IPPK: variants seen among roughly 807,000 people sequenced by gnomAD.
IPPK encodes the protein inositol-pentakisphosphate 2-kinase.
IPPK carries 22 observed loss-of-function variants against 64.6 expected under a neutral mutation model. The observed-to-expected ratio is 0.34, with a 90% CI of 0.24 to 0.49. The LOEUF (loss-of-function observed/expected upper bound fraction) is 0.49, where lower values mean the gene tolerates loss of function less well. Ranked by LOEUF, IPPK falls within the 20% of genes least tolerant of loss-of-function variation. The probability of loss-of-function intolerance (pLI) is 0.99; values close to 1 mark genes in which losing one functional copy is unlikely to be tolerated. For synonymous variants in IPPK, 262 were observed against 247.2 expected, an observed-to-expected ratio of 1.06 and a Z score of -0.56; for missense variants, 532 against 630.7, an observed-to-expected ratio of 0.84 and a Z score of 1.68.
chr9:92,618,118 G>A (rs1383678874), intron 12 of IPPK: 1 of 411,642 alleles, frequency 2.4e-6, no homozygotes, highest in South Asian at 1.7e-5. Context: ...TGCGGCCACT[G>A]CGCACACCTT....
At chr9:92,636,517 G>T (rs994331204) in intron 9 of IPPK, among the ~76,000 whole-genome samples, 16 of 151,996 alleles carry the variant, frequency 1.1e-4, no homozygotes, top group Admixed American at 5.2e-4. Flanking sequence ...AGTGCGTGTC[G>T]GTAGTCCCAG....
chr9:92,633,648 T>C (rs1243303312), intron 11 of IPPK, among the ~76,000 whole-genome samples: 1 of 152,242 alleles, frequency 6.6e-6, no homozygotes, highest in Non-Finnish European at 1.5e-5. Context: ...CAAAATATTT[T>C]TAAAAACAAA....
At chr9:92,656,259 G>T (rs1324224643) in intron 3 of IPPK, among the ~76,000 whole-genome samples, 197 bp downstream of exon 3, 1 of 152,168 alleles carries the variant, frequency 6.6e-6, no homozygotes, top group African/African-American at 2.4e-5. Flanking sequence ...TGGGCCCTCT[G>T]AACCCCATGC....
intron 12 of IPPK, 113 bp downstream of exon 12, chr9:92,619,373 C>T (rs1851550013): frequency 1.2e-6 from 1 of 829,044 alleles, no homozygotes; most frequent in African/African-American, 1.7e-5. Context: ...AGTTATGTCA[C>T]TCCGCCATGG....
Position 92,635,323 on chromosome 9 carries a change from AG to A in IPPK, c.917-16del. On this transcript the variant is annotated splice_polypyrimidine_tract_variant and intron_variant, in intron 9 of 12. Transcript: ENST00000287996. The surrounding 1 kb of genome is among the most constrained non-coding windows in gnomAD (Gnocchi z 4.4). ...GGTGTTTTTTCCTACCGAGAACATC[AG>A]GGGAAAACGAGAGCATGTTGATTAT... 2 of 1,604,270 alleles carry A rather than the reference AG, an allele frequency of 1.2e-6. No individual in the cohort carries two copies. Among genetic ancestry groups the A allele is most frequent in the Non-Finnish European group, 1.7e-6 (2 of 1,175,722 alleles).
intron 2 of IPPK, among the ~76,000 whole-genome samples, 184 bp downstream of exon 2, chr9:92,658,450 A>G (rs951307913): frequency 6.6e-6 from 1 of 152,206 alleles, no homozygotes; most frequent in African/African-American, 2.4e-5. Context: ...ACAGTGACAC[A>G]TGGGTTAACG....
chr9:92,636,375 G>A (rs1258265372), intron 9 of IPPK, among the ~76,000 whole-genome samples: 5 of 152,196 alleles, frequency 3.3e-5, no homozygotes, highest in African/African-American at 7.2e-5. Context: ...CGTGGCTTAC[G>A]CCTGCAATCC....
At chr9:92,627,306 C>T (rs956431939) in intron 11 of IPPK, among the ~76,000 whole-genome samples, 1 of 152,152 alleles carries the variant, frequency 6.6e-6, no homozygotes, top group Non-Finnish European at 1.5e-5. Flanking sequence ...AATACCAATC[C>T]ATCTCAACTT....
In IPPK at chr9:92,615,960, G is replaced by A; in HGVS notation, c.1348C>T (p.His450Tyr). 6.2e-7 allele frequency: 1 copy of A among 1,614,070 alleles called. No homozygotes were observed. Among genetic ancestry groups the A allele is most frequent in the Non-Finnish European group, 8.5e-7 (1 of 1,179,976 alleles). The change falls in exon 13 of 13, where the codon CAT becomes TAT. Residue 450 changes from histidine (H) to tyrosine (Y), a missense_variant. Coordinates refer to ENST00000287996, the MANE Select transcript of IPPK (RefSeq NM_022755.6). The stretch of plus-strand genomic sequence containing the variant: ...ATCTTGCCGTCCAGTTTATACTGAT[G>A]GGGAATGCTCTCGTAGGGCTTGAGG... Reference protein sequence around the residue: ...LDLKPYESIPHQYKLDGKIVN... With the variant: ...LDLKPYESIPYQYKLDGKIVN...
At chr9:92,650,205 C>A (rs112810518) in intron 4 of IPPK, among the ~76,000 whole-genome samples, 4 of 146,582 alleles carry the variant, frequency 2.7e-5, no homozygotes, top group Non-Finnish European at 6.0e-5. Flanking sequence ...CACCTGTAAT[C>A]CCAGCTACTC....
In IPPK at chr9:92,638,152, C is replaced by T. The variant is rs747178407; in HGVS notation, c.765G>A (p.Arg255=). 3 of 1,614,246 alleles carry T rather than the reference C, an allele frequency of 1.9e-6. No homozygotes were observed. Among genetic ancestry groups the T allele is most frequent in the South Asian group, 1.1e-5 (1 of 91,090 alleles). Reference sequence around the variant, plus strand: ...CGTGCACCAGCTCCCTGATCACAGCCCTTGTGCAGTGGGGCCCACTGGCCA... The same window carrying T: ...CGTGCACCAGCTCCCTGATCACAGCTCTTGTGCAGTGGGGCCCACTGGCCA... ...NGLASGPHCT[R]AVIRELVHVI... The change falls in exon 9 of 13, where the codon AGG becomes AGA. Residue 255 remains arginine (R), a synonymous_variant. Coordinates refer to ENST00000287996, the MANE Select transcript of IPPK (RefSeq NM_022755.6).
chr9:92,647,911 G>T, intron 6 of IPPK, 148 bp downstream of exon 6: 4 of 612,258 alleles, frequency 6.5e-6, no homozygotes, highest in Non-Finnish European at 1.1e-5. Flanking sequence ...AAATAAAAAA[G>T]TTGAACATGA....
intron 11 of IPPK, 137 bp from the exon 12 acceptor site, chr9:92,619,702 C>A (rs1851563983): frequency 2.7e-6 from 2 of 753,390 alleles, no homozygotes; most frequent in Non-Finnish European, 4.5e-6. Context: ...GCGAGGGCCA[C>A]GGTGAGCACG....
chr9:92,645,114 G>A (rs1852125402), intron 6 of IPPK, among the ~76,000 whole-genome samples: 2 of 152,178 alleles, frequency 1.3e-5, no homozygotes, highest in Non-Finnish European at 2.9e-5. Flanking sequence ...ATTCTGGCTG[G>A]GCATGGTGGC....
chr9:92,631,951 G>A (rs1426651983), intron 11 of IPPK, among the ~76,000 whole-genome samples: 1 of 152,128 alleles, frequency 6.6e-6, no homozygotes, highest in African/African-American at 2.4e-5. Flanking sequence ...GCCATTCAAG[G>A]ATGTTATACA....
At chr9:92,628,313 G>A (rs546499512) in intron 11 of IPPK, among the ~76,000 whole-genome samples, 2 of 152,296 alleles carry the variant, frequency 1.3e-5, no homozygotes, top group African/African-American at 4.8e-5. Context: ...CTTTGTAGAC[G>A]AAGCTGATTC....
chr9:92,642,329 C>G (rs1852066421), intron 7 of IPPK, among the ~76,000 whole-genome samples: 1 of 152,266 alleles, frequency 6.6e-6, no homozygotes. Flanking sequence ...GGCACCTGAT[C>G]AGAGGCTGCA....
rs147238731 is a variant in IPPK, at chr9:92,649,556, T to C, written c.311A>G (p.Asp104Gly). ...AGCGTAACCACTGAGAGTATCCAGGTCCTTGTCACAGCGAGACTCTGGAAA... is the reference window on the plus strand; with the variant it reads ...AGCGTAACCACTGAGAGTATCCAGGCCCTTGTCACAGCGAGACTCTGGAAA... ...SERPESRCDKDLDTLSGYAMC... is the reference protein window; with the variant it reads ...SERPESRCDKGLDTLSGYAMC... Residue 104 changes from aspartate (D) to glycine (G), a missense_variant, in exon 5 of 13, where the codon GAC becomes GGC. Asp to Gly is a moderately conservative substitution (Grantham distance 94). Transcript: ENST00000287996. 19 of 1,613,800 alleles carry C rather than the reference T, an allele frequency of 1.2e-5. No individual in the cohort carries two copies. In the African/African-American group the frequency reaches 1.9e-4, roughly 16 times the overall value.
In IPPK at chr9:92,670,053, C is replaced by T; in HGVS notation, c.-65G>A. The T allele has an allele frequency of 4.0e-6, 5 of 1,242,438 alleles. No homozygotes were observed. The highest frequency in any genetic ancestry group is 5.7e-6 in the Non-Finnish European group (5 of 883,188). The allele number at this position is 1,242,438 out of a possible 1,614,324, so 77.0% of individuals were successfully genotyped here. On this transcript the variant is annotated 5_prime_UTR_variant, in exon 1 of 13. Transcript: ENST00000287996. ...GGGACGCGAGCTGGGGGCCGCCCGC[C>T]TCGCTGGGAACCAGCCGCTGCGGTC...
Sources: gnomAD v4.1 joint callset for allele counts (sites outside exome capture counted in the v4.1 genomes callset) on GRCh38, gnomAD v4.1.1 for gene constraint, Gnocchi (gnomAD v3.1) non-coding constraint, MANE v1.5 for transcripts, NCBI Gene and HGNC (gene_info 2026-07-23, HGNC 2026-07-21) for gene names.